The following ZNF317 variants were observed in gnomAD, a reference collection of about 807,000 sequenced individuals.
The protein encoded by ZNF317 is KRAB-containing zinc finger protein 317.
In ZNF317, 17 loss-of-function variants were observed where a neutral mutation model predicts 23.4. The observed-to-expected ratio is 0.73, with a 90% CI of 0.50 to 1.09. ZNF317 has a LOEUF of 1.09. Ranked by LOEUF, ZNF317 falls within the 50% of genes least tolerant of loss-of-function variation. ZNF317 has a pLI of 0.00. For missense variants in ZNF317, 679 were observed against 796.7 expected (o/e 0.85, Z 1.78); for synonymous variants, 317 against 314.9 (o/e 1.01, Z -0.07).
Position 9,156,031 on chromosome 19 carries a change from C to A in ZNF317, c.15C>A (p.Ser5=). The A allele has an allele frequency of 6.2e-7, 1 of 1,614,136 alleles. No homozygotes were observed. Among genetic ancestry groups the A allele is most frequent in the Non-Finnish European group, 8.5e-7 (1 of 1,180,034 alleles). ...ATTCTCTGAGGATGGCAGCTCTGTC[C>A]CCCACATTTGGTAAGTTCTTGGGTC... MAAL[S]PTFATSTQDS... The change falls in exon 2 of 7, where the codon TCC becomes TCA. Residue 5 remains serine, a synonymous_variant. Coordinates refer to ENST00000247956, the MANE Select transcript of ZNF317 (RefSeq NM_020933.5).
intron 1 of ZNF317, among the ~76,000 whole-genome samples, 182 bp downstream of exon 1, chr19:9,140,774 T>C (rs1366780042): frequency 1.3e-5 from 2 of 152,248 alleles, no homozygotes; most frequent in East Asian, 3.9e-4. Flanking sequence ...AGGATAAAAT[T>C]GGACCATTGC....
chr19:9,155,391 A>G (rs929100001), intron 1 of ZNF317, among the ~76,000 whole-genome samples: 2 of 152,148 alleles, frequency 1.3e-5, no homozygotes, highest in Non-Finnish European at 2.9e-5. Flanking sequence ...GTGAGAGTTG[A>G]TGTGAGAAGG....
intron 1 of ZNF317, among the ~76,000 whole-genome samples, chr19:9,151,946 G>A (rs971648593): frequency 6.6e-5 from 9 of 135,436 alleles, no homozygotes; most frequent in African/African-American, 1.1e-4. Flanking sequence ...TTGCTCTGTC[G>A]CCCAGGCTGG....
chr19:9,149,557 C>T (rs2050718327), intron 1 of ZNF317, among the ~76,000 whole-genome samples: 1 of 151,786 alleles, frequency 6.6e-6, no homozygotes, highest in Non-Finnish European at 1.5e-5. Flanking sequence ...GGGGGCCAGG[C>T]ACACTGAGAA....
intron 1 of ZNF317, among the ~76,000 whole-genome samples, chr19:9,143,983 TTTTCTTTCTTTC>T (rs150533419): frequency 0.51 from 71,088 of 140,090 alleles, 20,749 homozygotes; most frequent in African/African-American, 0.83. Context: ...TTGTACTCTT[TTTTCTTTCTTTC>T]TTTCTTTCTT....
chr19:9,140,658 G>A (rs2050620580), intron 1 of ZNF317, 66 bp downstream of exon 1: 1 of 449,470 alleles, frequency 2.2e-6, no homozygotes, highest in Admixed American at 2.5e-5. Context: ...CCTATCTGGC[G>A]GTGAGGACTA....
chr19:9,160,880 A>G lies in ZNF317; in HGVS notation c.1235A>G (p.His412Arg). 1 of 1,614,230 alleles carries G rather than the reference A, an allele frequency of 6.2e-7. No individual in the cohort carries two copies. The highest frequency in any genetic ancestry group is 8.5e-7 in the Non-Finnish European group (1 of 1,180,030). ...TCCCGGAGGAAACACATGAGGATTC[A>G]CATCGTCAAGAAACCCGTGGAATGT... ...LVSRRKHMRI[H>R]IVKKPVECRQ... is the part of the protein sequence containing the mutation. The change falls in exon 7 of 7, where the codon CAC becomes CGC. Residue 412 changes from histidine (H) to arginine (R), a missense_variant. Coordinates refer to ENST00000247956, the MANE Select transcript of ZNF317 (RefSeq NM_020933.5). This position sits in a 1 kb window ranked among gnomAD's most constrained non-coding sequence, Gnocchi z 6.8.
Position 9,155,003 on chromosome 19 carries a change from T to A in ZNF317, c.-92-922T>A, listed in dbSNP as rs575436618. On this transcript the variant is annotated intron_variant, in intron 1 of 6. Transcript: ENST00000247956. ...TGAAATGTCTGTTTATTAATTAAAGTCTTTTACCCTTTTTGTTGGGTTGAT... is the reference window on the plus strand; with the variant it reads ...TGAAATGTCTGTTTATTAATTAAAGACTTTTACCCTTTTTGTTGGGTTGAT... 1.6e-4 allele frequency among the ~76,000 whole-genome samples: 24 copies of A among 152,318 alleles called. 1 individual carries two copies. The South Asian group carries it at 5.0e-3, about 32-fold the overall frequency.
In ZNF317 at chr19:9,160,374, C is replaced by A. The variant is rs2050835657; in HGVS notation, c.729C>A (p.Ile243=). 1 of 1,614,100 alleles carries A rather than the reference C, an allele frequency of 6.2e-7. No homozygotes were observed. Among genetic ancestry groups the A allele is most frequent in the African/African-American group, 1.3e-5 (1 of 74,944 alleles). ...TSASLTRHRR[I]HTGEKPYECS... is the part of the protein sequence containing the mutation. Reference sequence around the variant, plus strand: ...CGTCCCTCACACGGCACAGGAGAATCCACACCGGGGAGAAGCCTTACGAGT... The same window carrying A: ...CGTCCCTCACACGGCACAGGAGAATACACACCGGGGAGAAGCCTTACGAGT... Residue 243 remains isoleucine (I), a synonymous_variant, in exon 7 of 7, where the codon ATC becomes ATA. Coordinates refer to ENST00000247956, the MANE Select transcript of ZNF317 (RefSeq NM_020933.5). This position sits in a 1 kb window ranked among gnomAD's most constrained non-coding sequence, Gnocchi z 6.8.
At chr19:9,153,740 A>G (rs1226945264) in intron 1 of ZNF317, among the ~76,000 whole-genome samples, 2 of 152,216 alleles carry the variant, frequency 1.3e-5, no homozygotes, top group African/African-American at 4.8e-5. Context: ...GGAGCCGAGA[A>G]TAGAGAATGA....
chr19:9,154,412 C>A (rs546114146), intron 1 of ZNF317, among the ~76,000 whole-genome samples: 2 of 152,014 alleles, frequency 1.3e-5, no homozygotes, highest in Non-Finnish European at 1.5e-5. Context: ...TGAAGAAACC[C>A]CCTTTTTTTT....
chr19:9,152,475 G>C (rs2050744300), intron 1 of ZNF317, among the ~76,000 whole-genome samples: 1 of 152,158 alleles, frequency 6.6e-6, no homozygotes, highest in East Asian at 1.9e-4. Flanking sequence ...CATTACCCCT[G>C]AACTCCACCT....
chr19:9,162,718 T>C lies in ZNF317; in HGVS notation c.*1285T>C, dbSNP rs1446815402. Reference sequence around the variant, plus strand: ...AACCCTTAAGCCTCATCAAGAAAGGTTTGTTTATAGTATTTTTACTATAGC... The same window carrying C: ...AACCCTTAAGCCTCATCAAGAAAGGCTTGTTTATAGTATTTTTACTATAGC... On this transcript the variant is annotated 3_prime_UTR_variant, in exon 7 of 7. Transcript: ENST00000247956. The C allele has an allele frequency of 3.3e-5, 5 of 152,044 alleles. No homozygotes were observed. Among genetic ancestry groups the C allele is most frequent in the Non-Finnish European group, 7.4e-5 (5 of 68,016 alleles). The allele number at this position is 152,044 out of a possible 1,614,324, so 9.4% of individuals were successfully genotyped here.
Position 9,162,976 on chromosome 19 carries a change from T to G in ZNF317, c.*1543T>G, listed in dbSNP as rs1422694412. On this transcript the variant is annotated 3_prime_UTR_variant, in exon 7 of 7. Coordinates refer to ENST00000247956, the MANE Select transcript of ZNF317 (RefSeq NM_020933.5). ...GACTTCCCCGGTATCCACTCTCATC[T>G]TCTTCCAATATCAAGAGAATCCAGG... 6.6e-6 allele frequency: 1 copy of G among 152,204 alleles called. No homozygotes were observed. The highest frequency in any genetic ancestry group is 1.5e-5 in the Non-Finnish European group (1 of 68,032). The allele number at this position is 152,204 out of a possible 1,614,324, so 9.4% of individuals were successfully genotyped here.
intron 1 of ZNF317, among the ~76,000 whole-genome samples, chr19:9,148,427 G>A (rs1484991089): frequency 6.6e-6 from 1 of 152,194 alleles, no homozygotes; most frequent in Non-Finnish European, 1.5e-5. Flanking sequence ...GAGGGTGGTG[G>A]TGGATGTTGG....
In ZNF317 at chr19:9,161,538, C is replaced by T; in HGVS notation, c.*105C>T. 2.7e-6 allele frequency: 4 copies of T among 1,479,610 alleles called. No homozygotes were observed. The South Asian group carries it at 5.5e-5, about 20-fold the overall frequency. 91.7% of individuals were successfully genotyped at this position (1,479,610 alleles called of 1,614,324 possible). Reference sequence around the variant, plus strand: ...GCACCTTACTGGGTGCAAAAGAATCCACGGAACTTGGGAGAAGTCCAGTTC... The same window carrying T: ...GCACCTTACTGGGTGCAAAAGAATCTACGGAACTTGGGAGAAGTCCAGTTC... On this transcript the variant is annotated 3_prime_UTR_variant, in exon 7 of 7. Transcript: ENST00000247956. The surrounding 1 kb of genome is among the most constrained non-coding windows in gnomAD (Gnocchi z 4.0).
rs2050861682 is a variant in ZNF317, at chr19:9,161,857, C to T, written c.*424C>T. The T allele has an allele frequency of 6.1e-6, 1 of 163,212 alleles. No individual in the cohort carries two copies. The highest frequency in any genetic ancestry group is 1.7e-4 in the South Asian group (1 of 5,930). The allele number at this position is 163,212 out of a possible 1,614,324, so 10.1% of individuals were successfully genotyped here. A position where few individuals can be genotyped will look rare whatever the true frequency, so the allele number is the denominator to read the frequency against. On this transcript the variant is annotated 3_prime_UTR_variant, in exon 7 of 7. Coordinates refer to ENST00000247956, the MANE Select transcript of ZNF317 (RefSeq NM_020933.5). This position sits in a 1 kb window ranked among gnomAD's most constrained non-coding sequence, Gnocchi z 4.0. ...TGGCTGGGGAAACCCTTCCTAGTCT[C>T]ACTTGATTCCTCATGACGGAAATCA... is the stretch of plus-strand genomic sequence containing the variant.
chr19:9,142,723 A>G (rs2050644956), intron 1 of ZNF317, among the ~76,000 whole-genome samples: 1 of 151,886 alleles, frequency 6.6e-6, no homozygotes, highest in Non-Finnish European at 1.5e-5. Flanking sequence ...TTTTTTTTCT[A>G]TCCTGTAGTG....
At chr19:9,157,481 C>A (rs781399301) in intron 4 of ZNF317, 87 bp downstream of exon 4, 1 of 1,536,048 alleles carries the variant, frequency 6.5e-7, no homozygotes, top group South Asian at 1.2e-5. Context: ...AACTATGCAG[C>A]GGTTCAGAAC....
Sources: allele counts gnomAD v4.1 joint callset (sites outside exome capture counted in the v4.1 genomes callset), GRCh38; gene constraint gnomAD v4.1.1; non-coding constraint Gnocchi (gnomAD v3.1); transcripts MANE v1.5; gene names NCBI Gene and HGNC (gene_info 2026-07-23, HGNC 2026-07-21).